The following LIMD1 variants were observed in gnomAD, a reference collection of about 807,000 sequenced individuals.
The protein encoded by LIMD1 is LIM domain containing 1.
A neutral mutation model predicts 58.4 loss-of-function variants in LIMD1; 23 were observed. That is an observed-to-expected ratio of 0.39 (90% CI 0.28 to 0.56). LIMD1 has a LOEUF of 0.56. Ranked by LOEUF, LIMD1 falls within the 20% of genes least tolerant of loss-of-function variation. The pLI, the probability that LIMD1 is intolerant of heterozygous loss-of-function variation, is 0.57. For synonymous variants in LIMD1, 334 were observed against 345.5 expected (o/e 0.97, Z 0.37); for missense variants, 838 against 855.5 (o/e 0.98, Z 0.25).
intron 1 of LIMD1, chr3:45,632,572 G>T: frequency 1.0e-6 from 1 of 983,818 alleles, no homozygotes; most frequent in Non-Finnish European, 1.2e-6. Flanking sequence ...GAAGAAAGAG[G>T]AAAGGACTGT....
At chr3:45,601,214 A>C (rs1367770149) in intron 1 of LIMD1, among the ~76,000 whole-genome samples, 1 of 152,220 alleles carries the variant, frequency 6.6e-6, no homozygotes, top group African/African-American at 2.4e-5. Flanking sequence ...AGAAGGAATC[A>C]GGAGTGGGTA....
intron 1 of LIMD1, among the ~76,000 whole-genome samples, 199 bp downstream of exon 1, chr3:45,596,486 C>G (rs1460649681): frequency 1.3e-5 from 2 of 152,104 alleles, no homozygotes; most frequent in Admixed American, 1.3e-4. Context: ...GGGCAGAAAG[C>G]GGACCTTGCA....
chr3:45,646,969 A>G (rs369815524), intron 2 of LIMD1, among the ~76,000 whole-genome samples: 3 of 152,168 alleles, frequency 2.0e-5, no homozygotes, highest in African/African-American at 4.8e-5. Flanking sequence ...CCCGGCCTCT[A>G]AATCTTAGCC....
intron 2 of LIMD1, among the ~76,000 whole-genome samples, chr3:45,659,625 A>G (rs1240848540): frequency 1.3e-5 from 2 of 152,194 alleles, no homozygotes; most frequent in Non-Finnish European, 2.9e-5. Flanking sequence ...ACATATATAT[A>G]TGCTATATAT....
intron 1 of LIMD1, chr3:45,635,868 G>T (rs1701781981): frequency 6.1e-6 from 6 of 984,916 alleles, no homozygotes; most frequent in Non-Finnish European, 7.2e-6. Flanking sequence ...AGCTTTGGGT[G>T]GGGTGAGGGA....
intron 2 of LIMD1, among the ~76,000 whole-genome samples, chr3:45,650,457 G>C (rs1309488161): frequency 6.6e-6 from 1 of 151,818 alleles, no homozygotes; most frequent in African/African-American, 2.4e-5. Context: ...ATTTACATTA[G>C]GTATTTCTCC....
At chr3:45,668,187 G>GT in intron 3 of LIMD1, 107 bp from the exon 4 acceptor site, 1 of 818,772 alleles carries the variant, frequency 1.2e-6, no homozygotes. Flanking sequence ...TCTGCACAGA[G>GT]TGACACATCT....
intron 1 of LIMD1, among the ~76,000 whole-genome samples, chr3:45,627,706 C>CAAAAA (rs35897504): frequency 2.1e-5 from 2 of 97,198 alleles, no homozygotes; most frequent in African/African-American, 3.9e-5. Context: ...CTAAAACAAC[C>CAAAAA]AAAAAAAAAA....
In LIMD1 at chr3:45,637,238, C is replaced by G. The variant is rs116812779; in HGVS notation, c.1510+987C>G. ...TGATTCTGCTAATCAAGGGTGGGGC[C>G]AGGGCATCACCCTTGGAATTTCTAG... On this transcript the variant is annotated intron_variant, in intron 2 of 7. Transcript: ENST00000273317. Among the ~76,000 whole-genome samples, 1,362 of 151,852 alleles carry G rather than the reference C, an allele frequency of 9.0e-3. 25 individuals are homozygous for G. Among genetic ancestry groups the G allele is most frequent in the African/African-American group, 0.03 (1,226 of 41,390 alleles).
Position 45,595,249 on chromosome 3 carries a change from C to T in LIMD1, c.370C>T (p.Gln124Ter). The change falls in exon 1 of 8, where the codon CAG (glutamine) becomes TAG (stop). Residue 124 changes from glutamine (Q) to a stop codon, truncating the protein, a stop_gained. Transcript: ENST00000273317. LOFTEE classifies it high-confidence loss of function. Reference sequence around the variant, plus strand: ...GGCAGTCACCACCCTCGCTGCTGGGCAGCCCCCGTACCCACCGCAGGAGCA... The same window carrying T: ...GGCAGTCACCACCCTCGCTGCTGGGTAGCCCCCGTACCCACCGCAGGAGCA... ...PGAVTTLAAG[Q>*]PPYPPQEQRS... The T allele has an allele frequency of 6.2e-7, 1 of 1,606,368 alleles. No individual in the cohort carries two copies. The highest frequency in any genetic ancestry group is 8.5e-7 in the Non-Finnish European group (1 of 1,176,284).
At chr3:45,663,417 T>C (rs1013735419) in intron 2 of LIMD1, among the ~76,000 whole-genome samples, 1 of 152,224 alleles carries the variant, frequency 6.6e-6, no homozygotes, top group Non-Finnish European at 1.5e-5. Context: ...CTCCCACCAG[T>C]GTGAAAGGGC....
intron 1 of LIMD1, among the ~76,000 whole-genome samples, chr3:45,603,425 G>T (rs1008429121): frequency 6.6e-6 from 1 of 151,792 alleles, no homozygotes; most frequent in Non-Finnish European, 1.5e-5. Context: ...ACAGCTGTGT[G>T]CCTCTGTCTG....
rs373162157 is a variant in LIMD1, at chr3:45,596,215, G to A, written c.1336G>A (p.Glu446Lys). The A allele has an allele frequency of 1.2e-6, 2 of 1,613,356 alleles. No homozygotes were observed. The highest frequency in any genetic ancestry group is 2.7e-5 in the African/African-American group (2 of 74,942). ...TCCTGAGCTGAGACCCTCTGCTGCT[G>A]AGTTGAAATTAGAAGCCCTCACCCA... ...PGPELRPSAA[E>K]LKLEALTQRL... The change falls in exon 1 of 8, where the codon GAG becomes AAG. Residue 446 changes from glutamate (E) to lysine (K), a missense_variant. Transcript: ENST00000273317.
At chr3:45,617,472 G>T (rs570745835) in intron 1 of LIMD1, among the ~76,000 whole-genome samples, 1 of 152,250 alleles carries the variant, frequency 6.6e-6, no homozygotes, top group East Asian at 1.9e-4. Context: ...CATGAACCCT[G>T]CCCAGTGCCC....
intron 2 of LIMD1, among the ~76,000 whole-genome samples, chr3:45,662,290 T>TGTGTGTGTGTGC (rs1330271655): frequency 2.6e-5 from 4 of 152,018 alleles, no homozygotes; most frequent in Non-Finnish European, 5.9e-5. Context: ...TGTGTGTGTG[T>TGTGTGTGTGTGC]GTGTGTGTGT....
At chr3:45,627,027 A>G (rs1053765555) in intron 1 of LIMD1, among the ~76,000 whole-genome samples, 4 of 152,148 alleles carry the variant, frequency 2.6e-5, no homozygotes, top group Admixed American at 2.6e-4. Context: ...TCAAAAATCC[A>G]CTGTGCTCCC....
chr3:45,658,532 A>ATGCTTTTTTTTTTTTTTTT (rs1553646072), intron 2 of LIMD1, among the ~76,000 whole-genome samples: 1 of 72,138 alleles, frequency 1.4e-5, no homozygotes, highest in African/African-American at 4.5e-5. Context: ...CACCATGCAG[A>ATGCTTTTTTTTTTTTTTTT]TTCTTTTTTT....
At chr3:45,672,565 A>C in intron 4 of LIMD1, 125 bp from the exon 5 acceptor site, 1 of 1,092,532 alleles carries the variant, frequency 9.2e-7, no homozygotes, top group South Asian at 1.5e-5. Flanking sequence ...TCCTAGGTGA[A>C]ACTCGGGGGT....
At chr3:45,622,814 G>A (rs773238878) in intron 1 of LIMD1, among the ~76,000 whole-genome samples, 8 of 151,962 alleles carry the variant, frequency 5.3e-5, no homozygotes, top group African/African-American at 9.7e-5. Flanking sequence ...GACTACAGGC[G>A]TGGCTACTGC....
Sources: allele counts gnomAD v4.1 joint callset (sites outside exome capture counted in the v4.1 genomes callset), GRCh38; gene constraint gnomAD v4.1.1; transcripts MANE v1.5; gene names NCBI Gene and HGNC (gene_info 2026-07-23, HGNC 2026-07-21).